The following OSBPL1A variants were observed in gnomAD, a reference collection of about 807,000 sequenced individuals.
The protein encoded by OSBPL1A is oxysterol binding protein like 1A, also known as oxysterol-binding protein-related protein 1.
In OSBPL1A, 80 loss-of-function variants were observed where a neutral mutation model predicts 137.1. That is an observed-to-expected ratio of 0.58 (90% CI 0.49 to 0.70). The LOEUF is 0.70. Among genes scored for constraint, OSBPL1A ranks in the 30% least tolerant of loss-of-function variants. The pLI, the probability that OSBPL1A is intolerant of heterozygous loss-of-function variation, is 0.00. For missense variants in OSBPL1A, 970 were observed against 1,129.4 expected (o/e 0.86, Z 2.02); for synonymous variants, 365 against 389.7 (o/e 0.94, Z 0.75).
chr18:24,196,085 C>T (rs2087022031), intron 18 of OSBPL1A, 40 bp downstream of exon 18: 1 of 1,486,456 alleles, frequency 6.7e-7, no homozygotes, highest in African/African-American at 1.4e-5. Context: ...TGCGATTAAA[C>T]ATATCTGCTT....
At chr18:24,185,661 G>C (rs535086392) in intron 18 of OSBPL1A, among the ~76,000 whole-genome samples, 131 of 152,322 alleles carry the variant, frequency 8.6e-4, no homozygotes, top group African/African-American at 2.9e-3. Flanking sequence ...GGTGAGGGAT[G>C]CTGACAATAG....
intron 4 of OSBPL1A, among the ~76,000 whole-genome samples, chr18:24,359,028 G>C (rs981297124): frequency 6.6e-6 from 1 of 152,094 alleles, no homozygotes; most frequent in Non-Finnish European, 1.5e-5. Context: ...ACCAGCCTGG[G>C]CAACATGGCA....
chr18:24,175,105 T>A (rs1189432217), intron 21 of OSBPL1A, among the ~76,000 whole-genome samples: 1 of 14,716 alleles, frequency 6.8e-5, no homozygotes, highest in African/African-American at 2.2e-4. Context: ...TTGCCATGTG[T>A]ATGTATATAT....
At chr18:24,222,981 A>T (rs1188866547) in intron 17 of OSBPL1A, among the ~76,000 whole-genome samples, 2 of 152,134 alleles carry the variant, frequency 1.3e-5, no homozygotes, top group Non-Finnish European at 2.9e-5. Context: ...TAAGGAAAAC[A>T]GAAATCTACG....
rs1387599074 is a variant in OSBPL1A, at chr18:24,166,597, T to C, written c.2641A>G (p.Met881Val). 1 of 1,611,106 alleles carries C rather than the reference T, an allele frequency of 6.2e-7. No homozygotes were observed. Among genetic ancestry groups the C allele is most frequent in the Non-Finnish European group, 8.5e-7 (1 of 1,179,144 alleles). ...DCRLRPDIRA[M>V]ENGEIDQASE... ...TAGTTACCTATCTCTCCATTTTCCATGGCTCTGATGTCAGGCCGTAACCTG... is the reference window on the plus strand; with the variant it reads ...TAGTTACCTATCTCTCCATTTTCCACGGCTCTGATGTCAGGCCGTAACCTG... The change falls in exon 26 of 28, where the codon ATG (methionine) becomes GTG (valine). Residue 881 changes from methionine to valine, a missense_variant. Around this residue, in one of 2 missense-constraint regions of OSBPL1A, gnomAD observed 323 missense variants for 456.8 expected, o/e 0.71. Coordinates refer to ENST00000319481, the MANE Select transcript of OSBPL1A (RefSeq NM_080597.4).
chr18:24,393,882 T>C (rs960210665), intron 1 of OSBPL1A, among the ~76,000 whole-genome samples: 2 of 152,252 alleles, frequency 1.3e-5, no homozygotes, highest in African/African-American at 4.8e-5. Context: ...TTTAAAAAGC[T>C]TTATTTATTA....
intron 19 of OSBPL1A, among the ~76,000 whole-genome samples, chr18:24,180,635 G>C (rs985446790): frequency 9.8e-5 from 15 of 152,294 alleles, no homozygotes; most frequent in Non-Finnish European, 1.3e-4. Flanking sequence ...AGCACTTTGG[G>C]AGGCCCAGGC....
chr18:24,170,280 T>C (rs982306991), intron 24 of OSBPL1A, 47 bp downstream of exon 24: 16 of 1,610,668 alleles, frequency 9.9e-6, no homozygotes, highest in African/African-American at 5.4e-5. Context: ...TTAGTACACA[T>C]TGAAGAATCC....
rs755701270 is a variant in OSBPL1A at position 24,280,834 on chromosome 18, C to A, written c.1281+8G>T. ...ATTATTTTACAAATTCAATTCTGAA[C>A]TACCTACCCCTTCTTGTTTGGTGAA... On this transcript the variant is annotated splice_region_variant and intron_variant, in intron 15 of 27. Coordinates refer to ENST00000319481, the MANE Select transcript of OSBPL1A (RefSeq NM_080597.4). 1 of 1,530,316 alleles carries A rather than the reference C, an allele frequency of 6.5e-7. No homozygotes were observed. Among genetic ancestry groups the A allele is most frequent in the Admixed American group, 2.2e-5 (1 of 45,836 alleles). The allele number at this position is 1,530,316 out of a possible 1,614,324, so 94.8% of individuals were successfully genotyped here. A position where few individuals can be genotyped will look rare whatever the true frequency, so the allele number is the denominator to read the frequency against.
chr18:24,181,914 T>C (rs2086616511), intron 18 of OSBPL1A, among the ~76,000 whole-genome samples: 1 of 152,192 alleles, frequency 6.6e-6, no homozygotes, highest in South Asian at 2.1e-4. Flanking sequence ...TGGAACAGCT[T>C]CAGGTCTGGG....
intron 18 of OSBPL1A, among the ~76,000 whole-genome samples, chr18:24,183,847 A>G (rs2086675149): frequency 6.6e-6 from 1 of 152,216 alleles, no homozygotes; most frequent in Non-Finnish European, 1.5e-5. Flanking sequence ...AAGTACATAC[A>G]TCGAGTCTTT....
At chr18:24,299,366 C>T (rs1484916026) in intron 14 of OSBPL1A, among the ~76,000 whole-genome samples, 1 of 151,980 alleles carries the variant, frequency 6.6e-6, no homozygotes, top group Non-Finnish European at 1.5e-5. Flanking sequence ...TATTTTGGTA[C>T]ATATTGAGCT....
At chr18:24,199,853 A>G (rs1331869270) in intron 17 of OSBPL1A, among the ~76,000 whole-genome samples, 1 of 152,194 alleles carries the variant, frequency 6.6e-6, no homozygotes, top group African/African-American at 2.4e-5. Flanking sequence ...CAGCTCGACC[A>G]AGGATGCTGC....
chr18:24,214,780 C>T (rs1169482954), intron 17 of OSBPL1A, among the ~76,000 whole-genome samples: 1 of 152,186 alleles, frequency 6.6e-6, no homozygotes, highest in Non-Finnish European at 1.5e-5. Flanking sequence ...AAATACTTCA[C>T]AACAAGAGAA....
chr18:24,352,619 G>A (rs1164074905), intron 4 of OSBPL1A, among the ~76,000 whole-genome samples: 1 of 152,088 alleles, frequency 6.6e-6, no homozygotes, highest in Middle Eastern at 3.2e-3. Context: ...TCAATCCTAA[G>A]CCAAAAGAAC....
At chr18:24,218,929 C>T (rs535751322) in intron 17 of OSBPL1A, among the ~76,000 whole-genome samples, 6 of 152,138 alleles carry the variant, frequency 3.9e-5, no homozygotes, top group Admixed American at 2.0e-4. Flanking sequence ...TACAAATATA[C>T]AATTTTTGTT....
rs76277773 is a variant in OSBPL1A, at chr18:24,299,704, C to T, written c.1174+3933G>A. Among the ~76,000 whole-genome samples, 416 of 152,238 alleles carry T rather than the reference C, an allele frequency of 2.7e-3. 2 individuals are homozygous for T. The highest frequency in any genetic ancestry group is 9.6e-3 in the African/African-American group (399 of 41,544). ...GCTGTCAGACAAGAGCATCAGGTAA[C>T]TTATAAAGGATTTTTTATTTTAGAT... On this transcript the variant is annotated intron_variant, in intron 14 of 27. Coordinates refer to ENST00000319481, the MANE Select transcript of OSBPL1A (RefSeq NM_080597.4).
At chr18:24,317,509 A>G in intron 9 of OSBPL1A, 109 bp from the exon 10 acceptor site, 1 of 738,710 alleles carries the variant, frequency 1.4e-6, no homozygotes, top group Non-Finnish European at 2.2e-6. Context: ...TTTAGACAGT[A>G]GCACTGAACA....
intron 11 of OSBPL1A, among the ~76,000 whole-genome samples, chr18:24,315,830 TAG>T (rs1163945900): frequency 8.7e-6 from 1 of 114,560 alleles, no homozygotes; most frequent in African/African-American, 3.6e-5. Flanking sequence ...ATATAATATA[TAG>T]TATATATTAT....
Sources: allele counts gnomAD v4.1 joint callset (sites outside exome capture counted in the v4.1 genomes callset), GRCh38; gene constraint gnomAD v4.1.1; regional missense constraint gnomAD v4.1.1; transcripts MANE v1.5; gene names NCBI Gene and HGNC (gene_info 2026-07-23, HGNC 2026-07-21).